The following PLCB1 variants were observed in gnomAD, a reference collection of about 807,000 sequenced individuals.
The protein encoded by PLCB1 is phospholipase C beta 1.
PLCB1 carries 46 observed loss-of-function variants against 161.8 expected under a neutral mutation model. That is an observed-to-expected ratio of 0.28 (90% CI 0.22 to 0.36). The LOEUF (loss-of-function observed/expected upper bound fraction) is 0.36, where lower values mean the gene tolerates loss of function less well. PLCB1 is among the 10% of genes least tolerant of loss of function. The probability of loss-of-function intolerance (pLI) is 1.00; values close to 1 mark genes in which losing one functional copy is unlikely to be tolerated. For synonymous variants in PLCB1, 517 were observed against 503.7 expected (o/e 1.03, Z -0.35); for missense variants, 1,016 against 1,472.5 (o/e 0.69, Z 5.07).
intron 23 of PLCB1, chr20:8,752,007 G>A (rs1981503650): frequency 6.6e-6 from 1 of 152,100 alleles, no homozygotes; most frequent in Admixed American, 6.5e-5. Context: ...TATAATATCA[G>A]AAAGTTCAAT....
At chr20:8,738,221 T>C (rs1473095047) in intron 20 of PLCB1, among the ~76,000 whole-genome samples, 6 of 152,232 alleles carry the variant, frequency 3.9e-5, no homozygotes, top group Admixed American at 3.9e-4. Context: ...TTTTTTGCTT[T>C]CACTTTGAAG....
chr20:8,470,845 T>G (rs1359947671), intron 3 of PLCB1, among the ~76,000 whole-genome samples: 1 of 152,224 alleles, frequency 6.6e-6, no homozygotes, highest in African/African-American at 2.4e-5. Flanking sequence ...GAATAACTTT[T>G]TTGTGCTCTT....
intron 10 of PLCB1, among the ~76,000 whole-genome samples, chr20:8,687,031 T>TATC (rs1393622678): frequency 6.6e-6 from 1 of 151,400 alleles, no homozygotes; most frequent in African/African-American, 2.4e-5. Context: ...TTATTATTAT[T>TATC]ATTATTATTC....
intron 14 of PLCB1, among the ~76,000 whole-genome samples, chr20:8,718,085 T>G (rs1263308837): frequency 6.6e-6 from 1 of 151,942 alleles, no homozygotes; most frequent in African/African-American, 2.4e-5. Flanking sequence ...CTGGGCATAG[T>G]GGCACGTACC....
intron 31 of PLCB1, among the ~76,000 whole-genome samples, chr20:8,878,284 A>C (rs1205550330): frequency 6.6e-6 from 1 of 152,182 alleles, no homozygotes; most frequent in Non-Finnish European, 1.5e-5. Context: ...TCTTCCTTGG[A>C]AACACATGTG....
chr20:8,871,890 A>G (rs1034425666), intron 31 of PLCB1, among the ~76,000 whole-genome samples: 16 of 152,350 alleles, frequency 1.1e-4, no homozygotes, highest in African/African-American at 3.8e-4. Flanking sequence ...TTTAATATGT[A>G]TGATCTTGTT....
At chr20:8,636,611 A>T (rs1352560821) in intron 4 of PLCB1, among the ~76,000 whole-genome samples, 1 of 152,226 alleles carries the variant, frequency 6.6e-6, no homozygotes, top group Admixed American at 6.5e-5. Context: ...TTACACACAC[A>T]GAAGCAGCAG....
intron 2 of PLCB1, among the ~76,000 whole-genome samples, chr20:8,192,446 G>A (rs1485236138): frequency 6.6e-6 from 1 of 151,914 alleles, no homozygotes; most frequent in Non-Finnish European, 1.5e-5. Context: ...GATTTGGTTA[G>A]CGATGTGGGA....
chr20:8,366,059 C>G (rs1237650263), intron 2 of PLCB1, among the ~76,000 whole-genome samples: 1 of 152,132 alleles, frequency 6.6e-6, no homozygotes, highest in Non-Finnish European at 1.5e-5. Context: ...CAAGACAATT[C>G]AGTCTTCTCT....
chr20:8,245,756 TG>T (rs1443655397), intron 2 of PLCB1, among the ~76,000 whole-genome samples: 1 of 151,922 alleles, frequency 6.6e-6, no homozygotes, highest in African/African-American at 2.4e-5. Flanking sequence ...GCATTGCCAT[TG>T]TTAACAATCA....
At chr20:8,474,616 C>G (rs1982193647) in intron 3 of PLCB1, among the ~76,000 whole-genome samples, 1 of 152,046 alleles carries the variant, frequency 6.6e-6, no homozygotes, top group South Asian at 2.1e-4. Flanking sequence ...GACTATTGAG[C>G]CATAAAGCCA....
chr20:8,817,469 A>C (rs73085978), intron 31 of PLCB1, among the ~76,000 whole-genome samples: 12 of 152,308 alleles, frequency 7.9e-5, no homozygotes, highest in Non-Finnish European at 1.8e-4. Flanking sequence ...TGACAAACTC[A>C]GGGCCAGACT....
chr20:8,510,745 T>C (rs895948614), intron 3 of PLCB1, among the ~76,000 whole-genome samples: 2 of 152,218 alleles, frequency 1.3e-5, no homozygotes, highest in African/African-American at 2.4e-5. Context: ...CAGAACTGAA[T>C]TGATTTTTAA....
intron 23 of PLCB1, among the ~76,000 whole-genome samples, chr20:8,754,495 C>A (rs1021014307): frequency 6.6e-6 from 1 of 151,688 alleles, no homozygotes; most frequent in Non-Finnish European, 1.5e-5. Context: ...TATCCTTTTT[C>A]AGAGGGCTAA....
intron 3 of PLCB1, among the ~76,000 whole-genome samples, chr20:8,582,947 C>A (rs1986878306): frequency 6.6e-6 from 1 of 150,654 alleles, no homozygotes; most frequent in Non-Finnish European, 1.5e-5. Context: ...CGAGATCACA[C>A]CGCTGCACTC....
chr20:8,209,269 T>C (rs1978694577), intron 2 of PLCB1, among the ~76,000 whole-genome samples: 1 of 152,040 alleles, frequency 6.6e-6, no homozygotes, highest in Admixed American at 6.6e-5. Flanking sequence ...TTGTCAACAA[T>C]TGTAGAAAAA....
intron 3 of PLCB1, among the ~76,000 whole-genome samples, chr20:8,537,072 G>A (rs1199265790): frequency 6.6e-6 from 1 of 152,172 alleles, no homozygotes; most frequent in East Asian, 1.9e-4. Flanking sequence ...CGGGTCTGCA[G>A]CAACCTCAAT....
At chr20:8,851,809 CT>C (rs1309897956) in intron 31 of PLCB1, among the ~76,000 whole-genome samples, 4 of 147,510 alleles carry the variant, frequency 2.7e-5, no homozygotes, top group Non-Finnish European at 5.9e-5. Context: ...GGGAAATGTT[CT>C]CTTTTCTTTG....
intron 3 of PLCB1, among the ~76,000 whole-genome samples, chr20:8,482,456 TTGTACAGCTTCACAAATTAGTA>T (rs1982545169): frequency 1.3e-5 from 2 of 152,170 alleles, no homozygotes; most frequent in African/African-American, 4.8e-5. Flanking sequence ...TGTGTATCTT[TTGTACAGCTTCACAAATTAGTA>T]TGTCCATTTA....
Sources: gnomAD v4.1 joint callset for allele counts (sites outside exome capture counted in the v4.1 genomes callset) on GRCh38, gnomAD v4.1.1 for gene constraint, MANE v1.5 for transcripts, NCBI Gene and HGNC (gene_info 2026-07-23, HGNC 2026-07-21) for gene names.